The following CDC14B variants were observed in gnomAD, a reference collection of about 807,000 sequenced individuals.
CDC14B encodes cell division cycle 14B.
In CDC14B, 22 loss-of-function variants were observed where a neutral mutation model predicts 64.2. That is an observed-to-expected ratio of 0.34 (90% CI 0.24 to 0.49). The LOEUF (loss-of-function observed/expected upper bound fraction) is 0.49. Among genes scored for constraint, CDC14B ranks in the 20% least tolerant of loss-of-function variants. The pLI is 0.99. For synonymous variants in CDC14B, 191 were observed against 215.8 expected (o/e 0.89, Z 1.01); for missense variants, 498 against 629.9 (o/e 0.79, Z 2.24).
chr9:96,565,948 G>A (rs1316966387), intron 1 of CDC14B, among the ~76,000 whole-genome samples: 12 of 152,126 alleles, frequency 7.9e-5, no homozygotes, highest in Non-Finnish European at 1.8e-4. Flanking sequence ...CAAAATTACC[G>A]CTTACAGCTA....
At position 96,501,254 on chromosome 9, in the gene CDC14B, TA is replaced by T. The variant is rs1380151141; in HGVS notation, c.*2498del. 6.6e-6 allele frequency: 1 copy of T among 152,366 alleles called. No homozygotes were observed. The highest frequency in any genetic ancestry group is 1.5e-5 in the Non-Finnish European group (1 of 68,038). 9.4% of individuals were successfully genotyped at this position (152,366 alleles called of 1,614,324 possible). On this transcript the variant is annotated 3_prime_UTR_variant, in exon 14 of 14. Coordinates refer to ENST00000375241, the MANE Select transcript of CDC14B (RefSeq NM_033331.4). ...GTCCCCAGAAAGCTTCAAGAGCACCTAAAAATATTCACTTCCAATTTTAATT... is the reference window on the plus strand; with the variant it reads ...GTCCCCAGAAAGCTTCAAGAGCACCTAAAATATTCACTTCCAATTTTAATT...
intron 5 of CDC14B, among the ~76,000 whole-genome samples, chr9:96,543,776 A>G (rs561775179): frequency 1.3e-5 from 2 of 152,340 alleles, no homozygotes; most frequent in South Asian, 4.1e-4. Context: ...TGCCTATCTG[A>G]ATGGTACTCA....
At chr9:96,574,697 C>CAAAAAAAAAAAAA (rs57056796) in intron 1 of CDC14B, among the ~76,000 whole-genome samples, 685 of 49,940 alleles carry the variant, frequency 0.014, 159 homozygotes, top group African/African-American at 0.056. Context: ...CTCGGTCTCA[C>CAAAAAAAAAAAAA]AAAAAAAAAA....
intron 12 of CDC14B, chr9:96,514,769 G>A (rs181174228): frequency 0.011 from 10,656 of 985,472 alleles, 62 homozygotes; most frequent in Non-Finnish European, 0.012. Flanking sequence ...GGTGGACCCC[G>A]TGACACGGAC....
rs1055933964 is a variant in CDC14B at position 96,548,773 on chromosome 9, C to T, written c.497+3023G>A. On this transcript the variant is annotated intron_variant, in intron 5 of 13. Transcript: ENST00000375241. ...CCAAGATTGCGCCACTGAACTCCAG[C>T]CTGGGTGACAGAGCAAGAATCTGTC... Among the ~76,000 whole-genome samples the T allele has an allele frequency of 3.3e-5, 5 of 150,788 alleles. No individual in the cohort carries two copies. In the East Asian group the frequency reaches 7.8e-4, roughly 24 times the overall value.
intron 1 of CDC14B, 60 bp from the exon 2 acceptor site, chr9:96,565,543 A>G (rs1843789682): frequency 9.6e-7 from 1 of 1,037,208 alleles, no homozygotes; most frequent in Non-Finnish European, 1.5e-6. Context: ...TTCATATATC[A>G]TGACACAACT....
chr9:96,554,313 T>G (rs988038387), intron 4 of CDC14B, among the ~76,000 whole-genome samples: 5 of 152,362 alleles, frequency 3.3e-5, no homozygotes, highest in East Asian at 3.9e-4. Flanking sequence ...GGAATTTCTC[T>G]AAATTTCTAA....
chr9:96,587,115 G>A (rs1168315137), intron 1 of CDC14B, among the ~76,000 whole-genome samples: 1 of 152,156 alleles, frequency 6.6e-6, no homozygotes, highest in Non-Finnish European at 1.5e-5. Context: ...GGTGGCTGCA[G>A]TGAAAAGAGA....
chr9:96,539,725 A>G (rs1839778416), intron 6 of CDC14B, among the ~76,000 whole-genome samples: 1 of 152,248 alleles, frequency 6.6e-6, no homozygotes. Flanking sequence ...TTCTTTCCAT[A>G]GGAATAAAAC....
intron 1 of CDC14B, among the ~76,000 whole-genome samples, chr9:96,577,396 T>C (rs1844877742): frequency 6.6e-6 from 1 of 152,184 alleles, no homozygotes; most frequent in South Asian, 2.1e-4. Context: ...TCAGTAAGAA[T>C]TCTTATTTAA....
chr9:96,523,051 T>C (rs1448386010), intron 11 of CDC14B, among the ~76,000 whole-genome samples: 1 of 152,206 alleles, frequency 6.6e-6, no homozygotes, highest in Non-Finnish European at 1.5e-5. Context: ...TTTATGCACC[T>C]GCTGAGTAAG....
intron 12 of CDC14B, among the ~76,000 whole-genome samples, 187 bp from the exon 13 acceptor site, chr9:96,509,976 G>A (rs1217562191): frequency 4.6e-5 from 7 of 152,130 alleles, no homozygotes; most frequent in Admixed American, 2.6e-4. Flanking sequence ...GAAGCATCTC[G>A]TTTCTCTTTG....
intron 1 of CDC14B, among the ~76,000 whole-genome samples, chr9:96,616,288 C>T (rs188782449): frequency 2.0e-5 from 3 of 148,276 alleles, no homozygotes; most frequent in Non-Finnish European, 1.5e-5. Flanking sequence ...ATAGCTCCAC[C>T]GCACTCAACC....
At chr9:96,611,489 A>G (rs570005576) in intron 1 of CDC14B, among the ~76,000 whole-genome samples, 1 of 152,336 alleles carries the variant, frequency 6.6e-6, no homozygotes, top group East Asian at 1.9e-4. Flanking sequence ...CCATGTTTGC[A>G]TGTCAACTTA....
chr9:96,507,071 A>T (rs1004248353), intron 13 of CDC14B, among the ~76,000 whole-genome samples: 3 of 152,344 alleles, frequency 2.0e-5, no homozygotes, highest in Non-Finnish European at 4.4e-5. Context: ...AGGCAGGTGG[A>T]CCACTTGAGG....
intron 4 of CDC14B, among the ~76,000 whole-genome samples, chr9:96,554,247 A>G (rs994630579): frequency 6.6e-6 from 1 of 152,222 alleles, no homozygotes; most frequent in Admixed American, 6.5e-5. Flanking sequence ...GCCAATAAAA[A>G]TAAGAATAGA....
chr9:96,579,633 C>T (rs1845021313), intron 1 of CDC14B, among the ~76,000 whole-genome samples: 1 of 151,668 alleles, frequency 6.6e-6, no homozygotes, highest in African/African-American at 2.4e-5. Flanking sequence ...CCACTGAATG[C>T]ACACAGGAAA....
chr9:96,522,752 AT>A, intron 11 of CDC14B, 149 bp from the exon 12 acceptor site: 1 of 617,086 alleles, frequency 1.6e-6, no homozygotes, highest in Non-Finnish European at 2.9e-6. Flanking sequence ...TTCAGGTGAC[AT>A]TTTAAGACAG....
intron 1 of CDC14B, among the ~76,000 whole-genome samples, chr9:96,609,532 G>A (rs938527611): frequency 1.3e-5 from 2 of 152,114 alleles, no homozygotes; most frequent in Admixed American, 1.3e-4. Context: ...AATACTTGTT[G>A]AATGGATACA....
Sources: gnomAD v4.1 joint callset for allele counts (sites outside exome capture counted in the v4.1 genomes callset) on GRCh38, gnomAD v4.1.1 for gene constraint, MANE v1.5 for transcripts, NCBI Gene and HGNC (gene_info 2026-07-23, HGNC 2026-07-21) for gene names.